USP12: variants seen among roughly 807,000 people sequenced by gnomAD.
USP12 encodes ubiquitin carboxyl-terminal hydrolase 12.
In USP12, 19 loss-of-function variants were observed where a neutral mutation model predicts 45.5. The ratio of observed to expected loss-of-function variants is 0.42; its 90% CI spans 0.29 to 0.61. The LOEUF (loss-of-function observed/expected upper bound fraction) is 0.61, where lower values mean the gene tolerates loss of function less well. Among genes scored for constraint, USP12 ranks in the 20% least tolerant of loss-of-function variants. USP12 has a pLI of 0.22. For missense variants in USP12, 242 were observed against 447.7 expected, an observed-to-expected ratio of 0.54 and a Z score of 4.15; for synonymous variants, 149 against 148.8, an observed-to-expected ratio of 1.00 and a Z score of -0.01.
chr13:27,149,688 A>G (rs1265595916), intron 1 of USP12, among the ~76,000 whole-genome samples: 1 of 152,204 alleles, frequency 6.6e-6, no homozygotes, highest in Non-Finnish European at 1.5e-5. Flanking sequence ...GATAGGAGGA[A>G]TAAGTTCTAG....
At chr13:27,169,147 T>C (rs1431497431) in intron 1 of USP12, 10 of 152,180 alleles carry the variant, frequency 6.6e-5, no homozygotes, top group Admixed American at 1.3e-4. Context: ...GCCCTCACAA[T>C]TGAGTAAGAG....
At chr13:27,093,649 A>G (rs948465913) in intron 4 of USP12, among the ~76,000 whole-genome samples, 1 of 152,232 alleles carries the variant, frequency 6.6e-6, no homozygotes, top group African/African-American at 2.4e-5. Context: ...CTTACCATAC[A>G]ATCCAGTGAT....
chr13:27,071,425 A>G (rs997754154), intron 7 of USP12, among the ~76,000 whole-genome samples: 4 of 152,288 alleles, frequency 2.6e-5, no homozygotes, highest in African/African-American at 9.6e-5. Context: ...CTGTCTTTGT[A>G]ATAATTTTCA....
chr13:27,096,797 T>C (rs929237588), intron 3 of USP12, among the ~76,000 whole-genome samples: 34 of 152,166 alleles, frequency 2.2e-4, no homozygotes, highest in African/African-American at 8.2e-4. Context: ...ATTACCTATT[T>C]AGGACATTTT....
chr13:27,067,261 T>C lies in USP12; in HGVS notation c.*2022A>G, dbSNP rs1873039156. On this transcript the variant is annotated 3_prime_UTR_variant, in exon 9 of 9. Transcript: ENST00000282344. ...ATGTTAAAACTGACACAGCTTCACT[T>C]TCCTCTTTTTCTCTGTACCGAAAGC... The C allele has an allele frequency of 6.6e-6, 1 of 152,218 alleles. No homozygotes were observed. The highest frequency in any genetic ancestry group is 6.5e-5 in the Admixed American group (1 of 15,276). The allele number at this position is 152,218 out of a possible 1,614,324, so 9.4% of individuals were successfully genotyped here.
At chr13:27,115,282 GA>G (rs1432844033) in intron 2 of USP12, among the ~76,000 whole-genome samples, 1 of 151,990 alleles carries the variant, frequency 6.6e-6, no homozygotes, top group Non-Finnish European at 1.5e-5. Flanking sequence ...CTAAATTCCA[GA>G]AAAAAATAAG....
At chr13:27,163,112 A>ATTTTT (rs1566008976) in intron 1 of USP12, among the ~76,000 whole-genome samples, 2 of 151,872 alleles carry the variant, frequency 1.3e-5, no homozygotes, top group East Asian at 3.9e-4. Flanking sequence ...GCAAATTTTG[A>ATTTTT]AAAATCAATG....
At chr13:27,153,378 T>A (rs1429238869) in intron 1 of USP12, among the ~76,000 whole-genome samples, 1 of 152,254 alleles carries the variant, frequency 6.6e-6, no homozygotes, top group Non-Finnish European at 1.5e-5. Flanking sequence ...TTCAATTTTG[T>A]TTTTTAGATA....
At chr13:27,142,902 G>A (rs1877129774) in intron 1 of USP12, among the ~76,000 whole-genome samples, 1 of 152,120 alleles carries the variant, frequency 6.6e-6, no homozygotes, top group Non-Finnish European at 1.5e-5. Context: ...AGACCATCCT[G>A]GCCGACATGG....
At chr13:27,155,003 G>T (rs1877751995) in intron 1 of USP12, among the ~76,000 whole-genome samples, 1 of 137,140 alleles carries the variant, frequency 7.3e-6, no homozygotes, top group African/African-American at 2.7e-5. Flanking sequence ...AAAGAACACA[G>T]CCCAGCCAGA....
intron 2 of USP12, among the ~76,000 whole-genome samples, chr13:27,107,672 A>G (rs191014320): frequency 1.1e-3 from 175 of 152,322 alleles, no homozygotes; most frequent in African/African-American, 4.1e-3. Context: ...TTCCCATCCA[A>G]AAGAACTCGG....
intron 1 of USP12, among the ~76,000 whole-genome samples, chr13:27,163,515 T>C (rs758583449): frequency 2.0e-5 from 3 of 152,152 alleles, no homozygotes; most frequent in Non-Finnish European, 4.4e-5. Context: ...CCATTACTTA[T>C]ACCAATAAGA....
intron 1 of USP12, among the ~76,000 whole-genome samples, chr13:27,152,902 A>G (rs1224385171): frequency 2.7e-5 from 4 of 148,232 alleles, no homozygotes; most frequent in African/African-American, 5.0e-5. Flanking sequence ...ATATCGCACC[A>G]CTGCACTCCA....
intron 1 of USP12, among the ~76,000 whole-genome samples, chr13:27,168,768 C>G (rs940626433): frequency 1.3e-5 from 2 of 152,204 alleles, no homozygotes; most frequent in African/African-American, 4.8e-5. Context: ...AAGCACAACA[C>G]TAGTGATCTA....
intron 2 of USP12, among the ~76,000 whole-genome samples, chr13:27,114,926 A>G (rs1358426761): frequency 6.6e-6 from 1 of 152,176 alleles, no homozygotes; most frequent in Non-Finnish European, 1.5e-5. Flanking sequence ...TGAAGGCTGC[A>G]GTGAGCTGTG....
Position 27,069,305 on chromosome 13 carries a change from A to G in USP12, c.1091T>C (p.Leu364Pro). ...CTCTCAGTCCCGAGACTGATAGAAA[A>G]GGATGTAACCAGACTCAGAGTTCTT... ...ISKNSESGYI[L>P]FYQSRD Residue 364 changes from leucine to proline, a missense_variant, in exon 9 of 9, where the codon CTT (leucine) becomes CCT (proline). This residue lies in a region of USP12 where 94 missense variants were observed against 168.3 expected (regional missense o/e 0.56). Coordinates refer to ENST00000282344, the MANE Select transcript of USP12 (RefSeq NM_182488.4). 2 of 1,611,992 alleles carry G rather than the reference A, an allele frequency of 1.2e-6. No homozygotes were observed. The highest frequency in any genetic ancestry group is 1.7e-6 in the Non-Finnish European group (2 of 1,179,626).
At chr13:27,124,667 G>T (rs1278611868) in intron 1 of USP12, among the ~76,000 whole-genome samples, 1 of 152,174 alleles carries the variant, frequency 6.6e-6, no homozygotes, top group African/African-American at 2.4e-5. Flanking sequence ...GGTAAAATAA[G>T]AAAAGTTCTG....
rs1878458593 is a variant in USP12 at position 27,168,776 on chromosome 13, C to G, written c.48+2816G>C. 2.0e-5 allele frequency among the ~76,000 whole-genome samples: 3 copies of G among 152,162 alleles called. No individual in the cohort carries two copies. The South Asian group carries it at 6.2e-4, about 32-fold the overall frequency. On this transcript the variant is annotated intron_variant, in intron 1 of 8. Coordinates refer to ENST00000282344, the MANE Select transcript of USP12 (RefSeq NM_182488.4). ...CACATGTAAGCACAACACTAGTGAT[C>G]TAAAATAAGACACAGCTGAAGAGAA... is the stretch of plus-strand genomic sequence containing the variant.
At chr13:27,069,615 T>C (rs1873146913) in intron 8 of USP12, among the ~76,000 whole-genome samples, 2 of 152,174 alleles carry the variant, frequency 1.3e-5, no homozygotes, top group Non-Finnish European at 2.9e-5. Flanking sequence ...ACAGGATGAA[T>C]TATATGAAAC....
Sources: allele counts gnomAD v4.1 joint callset (sites outside exome capture counted in the v4.1 genomes callset), GRCh38; gene constraint gnomAD v4.1.1; regional missense constraint gnomAD v4.1.1; transcripts MANE v1.5; gene names NCBI Gene and HGNC (gene_info 2026-07-23, HGNC 2026-07-21).